The following ARHGEF38 variants were observed in gnomAD, a reference collection of about 807,000 sequenced individuals.
ARHGEF38 encodes the protein Rho guanine nucleotide exchange factor (GEF) 38.
Under a neutral mutation model 79.9 loss-of-function variants are expected in ARHGEF38, and 79 were observed. That is an observed-to-expected ratio of 0.99 (90% CI 0.82 to 1.19). The LOEUF is 1.19. Among genes scored for constraint, ARHGEF38 ranks in the 50% most tolerant of loss-of-function variants. The pLI, the probability that ARHGEF38 is intolerant of heterozygous loss-of-function variation, is 0.00. For synonymous variants in ARHGEF38, 366 were observed against 328.3 expected (o/e 1.11, Z -1.24); for missense variants, 962 against 907.2 (o/e 1.06, Z -0.78).
chr4:105,559,624 GACAGAAGGAAATATC>G (rs991821091), intron 1 of ARHGEF38, among the ~76,000 whole-genome samples: 19 of 151,990 alleles, frequency 1.3e-4, no homozygotes, highest in African/African-American at 4.6e-4. Context: ...TATTTATCAA[GACAGAAGGAAATATC>G]ACATTTTATT....
chr4:105,571,169 A>G (rs766674510), intron 1 of ARHGEF38, among the ~76,000 whole-genome samples: 50 of 152,302 alleles, frequency 3.3e-4, no homozygotes, highest in Non-Finnish European at 4.6e-4. Context: ...TTACCATTAT[A>G]CATTTTATGT....
At chr4:105,638,556 A>G (rs1411175418) in intron 5 of ARHGEF38, among the ~76,000 whole-genome samples, 1 of 152,150 alleles carries the variant, frequency 6.6e-6, no homozygotes, top group Non-Finnish European at 1.5e-5. Context: ...TATTGAAGAA[A>G]CATTGCAAAA....
At chr4:105,587,915 C>G (rs1022607253) in intron 1 of ARHGEF38, among the ~76,000 whole-genome samples, 8 of 152,146 alleles carry the variant, frequency 5.3e-5, no homozygotes, top group Non-Finnish European at 1.2e-4. Context: ...TCTGGATTGT[C>G]CAAAGATCAA....
chr4:105,654,239 G>A, intron 8 of ARHGEF38, 70 bp downstream of exon 8: 1 of 899,806 alleles, frequency 1.1e-6, no homozygotes, highest in Middle Eastern at 2.3e-4. Context: ...TTCCATGGTT[G>A]TTTTGAAGAG....
chr4:105,599,892 C>CA (rs545031816), intron 2 of ARHGEF38, among the ~76,000 whole-genome samples: 3 of 151,998 alleles, frequency 2.0e-5, no homozygotes, highest in African/African-American at 7.3e-5. Flanking sequence ...TTTGTGTCAT[C>CA]AAAAAACTAA....
At position 105,645,382 on chromosome 4, in the gene ARHGEF38, A is replaced by ACACAACTG. The variant is rs1729796546; in HGVS notation, c.869_870insCACAACTG (p.Leu291ThrfsTer4). 1 of 1,523,438 alleles carries ACACAACTG rather than the reference A, an allele frequency of 6.6e-7. No homozygotes were observed. The highest frequency in any genetic ancestry group is 8.8e-7 in the Non-Finnish European group (1 of 1,142,268). The allele number at this position is 1,523,438 out of a possible 1,614,324, so 94.4% of individuals were successfully genotyped here. On this transcript the variant is annotated frameshift_variant, in exon 6 of 14. Transcript: ENST00000420470. LOFTEE classifies it high-confidence loss of function. ...ATCAATGAACTTAAAAGAAGGAAAGATTTAGGTAGGAAGAGACATGATGAA... is the reference window on the plus strand; with the variant it reads ...ATCAATGAACTTAAAAGAAGGAAAGACACAACTGTTTAGGTAGGAAGAGACATGATGAA...
Position 105,582,164 on chromosome 4 carries a change from C to CAA in ARHGEF38, c.197-7068_197-7067dup, listed in dbSNP as rs33936132. 7.1e-3 allele frequency among the ~76,000 whole-genome samples: 844 copies of CAA among 118,236 alleles called. 34 individuals are homozygous for CAA. Among genetic ancestry groups the CAA allele is most frequent in the African/African-American group, 0.021 (649 of 31,182 alleles). 77.6% of individuals were successfully genotyped at this position (118,236 alleles called of 152,430 possible). ...TGGGCGACAGAGCTAGACTCCGTCT[C>CAA]AAAAAAAAAAAAAAAAATCTCGTAT... On this transcript the variant is annotated intron_variant, in intron 1 of 13. Transcript: ENST00000420470.
intron 3 of ARHGEF38, among the ~76,000 whole-genome samples, chr4:105,622,559 A>G (rs1728780056): frequency 6.6e-6 from 1 of 152,122 alleles, no homozygotes; most frequent in South Asian, 2.1e-4. Flanking sequence ...GCCTTCCTGT[A>G]ATAAAAAGCT....
intron 1 of ARHGEF38, among the ~76,000 whole-genome samples, chr4:105,583,641 T>C (rs1247158757): frequency 2.6e-5 from 4 of 152,236 alleles, no homozygotes; most frequent in African/African-American, 9.6e-5. Context: ...CCTTTTAGTA[T>C]ACTAAATAAC....
chr4:105,634,184 A>G (rs946465359), intron 4 of ARHGEF38, among the ~76,000 whole-genome samples: 1 of 152,142 alleles, frequency 6.6e-6, no homozygotes. Flanking sequence ...GTGATTTTCC[A>G]TACACACTCA....
intron 10 of ARHGEF38, among the ~76,000 whole-genome samples, chr4:105,662,398 GTT>G (rs1730595123): frequency 6.6e-6 from 1 of 151,752 alleles, no homozygotes; most frequent in Non-Finnish European, 1.5e-5. Flanking sequence ...TAATGTTTGT[GTT>G]TTTAAAAAAT....
Position 105,680,610 on chromosome 4 carries a change from G to A in ARHGEF38, c.*2673G>A. On this transcript the variant is annotated 3_prime_UTR_variant, in exon 14 of 14. Coordinates refer to ENST00000420470, the MANE Select transcript of ARHGEF38 (RefSeq NM_001242729.2). ...AAAAATCAAGGTCTAAAAGCTCCTTGAGACAATTTAAACTCTAATACCAAA... is the reference window on the plus strand; with the variant it reads ...AAAAATCAAGGTCTAAAAGCTCCTTAAGACAATTTAAACTCTAATACCAAA... 6.5e-6 allele frequency: 1 copy of A among 152,916 alleles called. No individual in the cohort carries two copies. The allele number at this position is 152,916 out of a possible 1,614,324, so 9.5% of individuals were successfully genotyped here.
At chr4:105,643,921 A>G (rs1397202856) in intron 5 of ARHGEF38, among the ~76,000 whole-genome samples, 2 of 123,342 alleles carry the variant, frequency 1.6e-5, no homozygotes, top group Non-Finnish European at 3.2e-5. Context: ...TCTGTTGCCC[A>G]GGCTGGAGTG....
At chr4:105,618,415 A>G (rs1302892181) in intron 3 of ARHGEF38, among the ~76,000 whole-genome samples, 3 of 152,194 alleles carry the variant, frequency 2.0e-5, no homozygotes, top group Non-Finnish European at 2.9e-5. Context: ...ATGTGGGCGG[A>G]TCACGAGACC....
chr4:105,682,349 T>C (rs551948969), downstream of ARHGEF38: 169 of 161,372 alleles, frequency 1.0e-3, no homozygotes, highest in Non-Finnish European at 1.6e-3. Context: ...GGGAGGAAAA[T>C]AGAAAACTAT....
Position 105,552,715 on chromosome 4 carries a change from C to A in ARHGEF38, c.-51C>A. 6.7e-7 allele frequency: 1 copy of A among 1,486,372 alleles called. No homozygotes were observed. The highest frequency in any genetic ancestry group is 9.2e-7 in the Non-Finnish European group (1 of 1,091,922). 92.1% of individuals were successfully genotyped at this position (1,486,372 alleles called of 1,614,324 possible). A position where few individuals can be genotyped will look rare whatever the true frequency, so the allele number is the denominator to read the frequency against. On this transcript the variant is annotated 5_prime_UTR_variant, in exon 1 of 14. Coordinates refer to ENST00000420470, the MANE Select transcript of ARHGEF38 (RefSeq NM_001242729.2). Reference sequence around the variant, plus strand: ...AGCTTTAACCCTCACCCTGAGGCACCTTAGCAATCAGCCATTGCCTGCAAG... The same window carrying A: ...AGCTTTAACCCTCACCCTGAGGCACATTAGCAATCAGCCATTGCCTGCAAG...
At chr4:105,672,803 C>G (rs939638623) in intron 13 of ARHGEF38, among the ~76,000 whole-genome samples, 1 of 152,178 alleles carries the variant, frequency 6.6e-6, no homozygotes, top group Admixed American at 6.5e-5. Flanking sequence ...AATTAAATTT[C>G]TTGTTCTGGT....
chr4:105,576,595 G>C (rs2110432502), intron 1 of ARHGEF38, among the ~76,000 whole-genome samples: 1 of 152,158 alleles, frequency 6.6e-6, no homozygotes, highest in East Asian at 1.9e-4. Flanking sequence ...GGTTTCCTAA[G>C]TATAGAGTCA....
At chr4:105,569,804 G>T (rs1726128079) in intron 1 of ARHGEF38, 1 of 152,194 alleles carries the variant, frequency 6.6e-6, no homozygotes, top group Non-Finnish European at 1.5e-5. Flanking sequence ...TTTTTGTGAA[G>T]ATTGAAGAGA....
Sources: allele counts gnomAD v4.1 joint callset (sites outside exome capture counted in the v4.1 genomes callset), GRCh38; gene constraint gnomAD v4.1.1; transcripts MANE v1.5; gene names NCBI Gene and HGNC (gene_info 2026-07-23, HGNC 2026-07-21).